KLHL2: variants seen among roughly 807,000 people sequenced by gnomAD.
The protein encoded by KLHL2 is kelch-like protein 2.
KLHL2 carries 15 observed loss-of-function variants against 75.8 expected under a neutral mutation model. That is an observed-to-expected ratio of 0.20 (90% confidence interval 0.13 to 0.30). The LOEUF (loss-of-function observed/expected upper bound fraction) is 0.30. Among genes scored for constraint, KLHL2 ranks in the 10% least tolerant of loss-of-function variants. The pLI is 1.00. For synonymous variants in KLHL2, 214 were observed against 251.9 expected (o/e 0.85, Z 1.42); for missense variants, 381 against 741.0 (o/e 0.51, Z 5.64).
Position 165,207,759 on chromosome 4 carries a change from G to GC in KLHL2, c.-113dup. 1 of 808,672 alleles carries GC rather than the reference G, an allele frequency of 1.2e-6. No individual in the cohort carries two copies. The allele number at this position is 808,672 out of a possible 1,614,324, so 50.1% of individuals were successfully genotyped here. ...TGGCGCGCGGTGAGGAGAGCGCGGC[G>GC]CCCCCTCCGGGGCGGATGGAACGCG... On this transcript the variant is annotated 5_prime_UTR_variant, in exon 1 of 15. Coordinates refer to ENST00000226725, the MANE Select transcript of KLHL2 (RefSeq NM_007246.4). This position sits in a 1 kb window ranked among gnomAD's most constrained non-coding sequence, Gnocchi z 4.2.
intron 4 of KLHL2, among the ~76,000 whole-genome samples, chr4:165,253,997 T>TG (rs1165492320): frequency 1.4e-4 from 22 of 152,338 alleles, no homozygotes; most frequent in African/African-American, 4.8e-4. Context: ...GAGTGAAGGA[T>TG]GCAAGGGCAG....
In KLHL2 at chr4:165,293,681, T is replaced by G. The variant is rs559103318; in HGVS notation, c.545-678T>G. Among the ~76,000 whole-genome samples, 4 of 150,510 alleles carry G rather than the reference T, an allele frequency of 2.7e-5. No homozygotes were observed. In the South Asian group the frequency reaches 8.4e-4, roughly 32 times the overall value. On this transcript the variant is annotated intron_variant, in intron 5 of 14. Transcript: ENST00000226725. ...ACCATGCCTGGCTAATTTTTTTTTTTTTTTTTTTGTATTTTTAGTAGAGAC... is the reference window on the plus strand; with the variant it reads ...ACCATGCCTGGCTAATTTTTTTTTTGTTTTTTTTGTATTTTTAGTAGAGAC...
intron 4 of KLHL2, among the ~76,000 whole-genome samples, chr4:165,261,457 C>T (rs915275427): frequency 6.6e-6 from 1 of 152,168 alleles, no homozygotes; most frequent in Non-Finnish European, 1.5e-5. Flanking sequence ...GCTCCTTCCT[C>T]AGCCTCCTGA....
intron 4 of KLHL2, among the ~76,000 whole-genome samples, chr4:165,243,683 T>C (rs749200209): frequency 1.3e-5 from 2 of 152,252 alleles, no homozygotes; most frequent in Non-Finnish European, 2.9e-5. Context: ...GTGTCCATTT[T>C]ATTGGTGGTA....
rs57147486 is a variant in KLHL2 at position 165,285,827 on chromosome 4, A to T, written c.545-8532A>T. On this transcript the variant is annotated intron_variant, in intron 5 of 14. Transcript: ENST00000226725. ...CAAAAATGACTGTGACTAAGACTTC[A>T]TTCATCCTTGGAATCAGAGTGAAGC... 7.2e-3 allele frequency among the ~76,000 whole-genome samples: 1,100 copies of T among 152,292 alleles called. 12 individuals carry two copies. The highest frequency in any genetic ancestry group is 0.025 in the African/African-American group (1,034 of 41,550).
intron 4 of KLHL2, among the ~76,000 whole-genome samples, chr4:165,261,340 A>ATTTTTATT (rs57614508): frequency 0.091 from 13,840 of 151,758 alleles, 685 homozygotes; most frequent in Middle Eastern, 0.14. Context: ...TTTATTTTCT[A>ATTTTTATT]TTTTTATTTT....
At chr4:165,267,969 A>G (rs1335785289) in intron 5 of KLHL2, among the ~76,000 whole-genome samples, 1 of 152,196 alleles carries the variant, frequency 6.6e-6, no homozygotes, top group African/African-American at 2.4e-5. Context: ...TAGGCTATTA[A>G]TGATTGCCTC....
intron 5 of KLHL2, chr4:165,279,760 A>G (rs748563557): frequency 6.6e-5 from 53 of 808,850 alleles, no homozygotes; most frequent in Non-Finnish European, 1.1e-4. Context: ...CCGCTGAACT[A>G]GCCTCACTTC....
intron 4 of KLHL2, among the ~76,000 whole-genome samples, chr4:165,259,865 G>C (rs17488436): frequency 6.6e-6 from 1 of 151,950 alleles, no homozygotes; most frequent in South Asian, 2.1e-4. Context: ...TGGTCAAGCC[G>C]TTTAACCCCT....
At position 165,299,518 on chromosome 4, in the gene KLHL2, G is replaced by A. The variant is rs1309919172; in HGVS notation, c.783G>A (p.Glu261=). The A allele has an allele frequency of 1.2e-6, 2 of 1,611,024 alleles. No individual in the cohort carries two copies. The highest frequency in any genetic ancestry group is 1.7e-6 in the Non-Finnish European group (2 of 1,178,760). Residue 261 remains glutamate (E), a synonymous_variant, in exon 8 of 15, where the codon GAG becomes GAA. Transcript: ENST00000226725. ...ATTTCTTGTTACAGAGGGTTGAAGAGGAAGCATTGGTCAAGAATAGCAGTG... is the reference window on the plus strand; with the variant it reads ...ATTTCTTGTTACAGAGGGTTGAAGAAGAAGCATTGGTCAAGAATAGCAGTG... ...PREYLVQRVE[E]EALVKNSSAC...
chr4:165,285,006 A>G (rs186040639), intron 5 of KLHL2, among the ~76,000 whole-genome samples: 47 of 152,240 alleles, frequency 3.1e-4, no homozygotes, highest in Admixed American at 9.2e-4. Flanking sequence ...ACATAATTCA[A>G]TCATCTCCCA....
At chr4:165,240,719 G>T (rs1198079092) in intron 4 of KLHL2, among the ~76,000 whole-genome samples, 8 of 152,094 alleles carry the variant, frequency 5.3e-5, no homozygotes. Context: ...TCATTTTAGT[G>T]CATGGGCCTC....
chr4:165,209,382 C>T (rs551848252), intron 1 of KLHL2: 1 of 152,214 alleles, frequency 6.6e-6, no homozygotes, highest in African/African-American at 2.4e-5. Context: ...AACCTGCCTT[C>T]TACATAAGTT....
intron 5 of KLHL2, among the ~76,000 whole-genome samples, chr4:165,279,956 T>C (rs1446470117): frequency 6.6e-6 from 1 of 152,254 alleles, no homozygotes; most frequent in Non-Finnish European, 1.5e-5. Flanking sequence ...TCCCTGTGAC[T>C]ATCATCTTCC....
At chr4:165,295,260 G>A (rs1471748918) in intron 6 of KLHL2, among the ~76,000 whole-genome samples, 1 of 152,148 alleles carries the variant, frequency 6.6e-6, no homozygotes, top group Non-Finnish European at 1.5e-5. Context: ...TGTGTGCTTA[G>A]CATTTCAAGT....
At chr4:165,294,056 GA>G (rs1744725110) in intron 5 of KLHL2, among the ~76,000 whole-genome samples, 1 of 152,146 alleles carries the variant, frequency 6.6e-6, no homozygotes. Flanking sequence ...ATAAGGAATA[GA>G]TTTTTTTAAG....
intron 9 of KLHL2, among the ~76,000 whole-genome samples, chr4:165,308,316 G>A (rs926115931): frequency 6.6e-6 from 1 of 151,992 alleles, no homozygotes; most frequent in African/African-American, 2.4e-5. Flanking sequence ...CCTTTTCATT[G>A]AGGCCATAAG....
intron 3 of KLHL2, among the ~76,000 whole-genome samples, chr4:165,230,123 T>C (rs1218784318): frequency 6.6e-6 from 1 of 152,266 alleles, no homozygotes; most frequent in Non-Finnish European, 1.5e-5. Context: ...GGGTTCACTC[T>C]AGTCTCTTCA....
intron 4 of KLHL2, 57 bp downstream of exon 4, chr4:165,238,956 A>G (rs1419878238): frequency 3.8e-6 from 6 of 1,562,900 alleles, no homozygotes; most frequent in Non-Finnish European, 5.2e-6. Flanking sequence ...TTTTTAATAA[A>G]AAAAGCACAC....
Sources: gnomAD v4.1 joint callset for allele counts (sites outside exome capture counted in the v4.1 genomes callset) on GRCh38, gnomAD v4.1.1 for gene constraint, Gnocchi (gnomAD v3.1) non-coding constraint, MANE v1.5 for transcripts, NCBI Gene and HGNC (gene_info 2026-07-23, HGNC 2026-07-21) for gene names.